CWF19L1: variants seen among roughly 807,000 people sequenced by gnomAD.
The protein encoded by CWF19L1 is CWF19-like protein 1.
CWF19L1 carries 60 observed loss-of-function variants against 69.7 expected under a neutral mutation model. That is an observed-to-expected ratio of 0.86 (90% CI 0.70 to 1.07). The LOEUF (loss-of-function observed/expected upper bound fraction) is 1.07, where lower values mean the gene tolerates loss of function less well. Ranked by LOEUF, CWF19L1 falls within the 50% of genes least tolerant of loss-of-function variation. CWF19L1 has a pLI of 0.00. For synonymous variants in CWF19L1, 209 were observed against 222.2 expected (o/e 0.94, Z 0.53); for missense variants, 591 against 638.9 (o/e 0.92, Z 0.81).
intron 2 of CWF19L1, 139 bp from the exon 3 acceptor site, chr10:100,261,183 A>G (rs1847387279): frequency 3.3e-6 from 2 of 598,926 alleles, no homozygotes; most frequent in Non-Finnish European, 5.9e-6. Flanking sequence ...TCAATATACA[A>G]TTCTTTAGCA....
rs750361038 is a variant in CWF19L1 at position 100,250,292 on chromosome 10, G to A, written c.664C>T (p.Arg222Trp). The A allele has an allele frequency of 4.2e-5, 68 of 1,612,674 alleles. No homozygotes were observed. Among genetic ancestry groups the A allele is most frequent in the Non-Finnish European group, 5.3e-5 (63 of 1,179,110 alleles). The change falls in exon 7 of 14, where the codon CGG becomes TGG. Residue 222 changes from arginine to tryptophan, a missense_variant. Transcript: ENST00000354105. ...CCAACATTTGCCAGAGCTATAAACC[G>A]GGTGGCATGCTGTGCATTTTCCTGT... is the stretch of plus-strand genomic sequence containing the variant. ...ILQENAQHAT[R>W]FIALANVGNP...
At position 100,238,151 on chromosome 10, in the gene CWF19L1, C is replaced by T. The variant is rs1316667276; in HGVS notation, c.1125G>A (p.Val375=). 3 of 1,614,024 alleles carry T rather than the reference C, an allele frequency of 1.9e-6. No homozygotes were observed. Among genetic ancestry groups the T allele is most frequent in the East Asian group, 4.5e-5 (2 of 44,896 alleles). ...ILPIGHYQSV[V]ELSAEVVEEV... ...CTTCTACCACCTCTGCTGAAAGCTCCACCACTGACTGGTAGTGTCCAATAG... is the reference window on the plus strand; with the variant it reads ...CTTCTACCACCTCTGCTGAAAGCTCTACCACTGACTGGTAGTGTCCAATAG... The change falls in exon 11 of 14, where the codon GTG becomes GTA. Residue 375 remains valine (V), a synonymous_variant. Coordinates refer to ENST00000354105, the MANE Select transcript of CWF19L1 (RefSeq NM_018294.6).
intron 5 of CWF19L1, among the ~76,000 whole-genome samples, chr10:100,255,929 CA>C (rs1185464984): frequency 1.4e-5 from 2 of 145,616 alleles, no homozygotes; most frequent in Non-Finnish European, 1.5e-5. Context: ...GACTCCATCT[CA>C]AAAAAAAACA....
At chr10:100,263,707 TAA>T (rs1380465150) in intron 1 of CWF19L1, among the ~76,000 whole-genome samples, 4 of 152,176 alleles carry the variant, frequency 2.6e-5, no homozygotes, top group African/African-American at 9.7e-5. Context: ...TCCCACTGAA[TAA>T]AGATAGAAAT....
intron 8 of CWF19L1, among the ~76,000 whole-genome samples, chr10:100,246,443 T>G (rs994438053): frequency 6.6e-6 from 1 of 152,222 alleles, no homozygotes; most frequent in Non-Finnish European, 1.5e-5. Flanking sequence ...ATTTTCCTAC[T>G]AGCAATCATC....
rs1846458203 is a variant in CWF19L1, at chr10:100,236,905, GCC to G, written c.1317_1318del (p.Gln439HisfsTer16). On this transcript the variant is annotated frameshift_variant, in exon 12 of 14. Transcript: ENST00000354105. LOFTEE classifies it high-confidence loss of function. ...CAACAGCTCTATCTGCTGCTCCTGTGCCTGGGTAATGAAGGCATCTTTAATGT... is the reference window on the plus strand; with the variant it reads ...CAACAGCTCTATCTGCTGCTCCTGTGTGGGTAATGAAGGCATCTTTAATGT... 4 of 1,612,330 alleles carry G rather than the reference GCC, an allele frequency of 2.5e-6. No homozygotes were observed. In the South Asian group the frequency reaches 4.4e-5, roughly 18 times the overall value.
chr10:100,255,382 T>C (rs916803314), intron 5 of CWF19L1, among the ~76,000 whole-genome samples: 4 of 151,822 alleles, frequency 2.6e-5, no homozygotes, highest in African/African-American at 7.3e-5. Flanking sequence ...CGGTGGCTCA[T>C]GCCTGTAATC....
At chr10:100,261,352 C>T (rs182548888) in intron 2 of CWF19L1, among the ~76,000 whole-genome samples, 4 of 152,342 alleles carry the variant, frequency 2.6e-5, no homozygotes, top group Admixed American at 2.6e-4. Flanking sequence ...CTCTGCCATT[C>T]ATGGCTCTCT....
At chr10:100,267,324 G>A in intron 1 of CWF19L1, 2 of 546,672 alleles carry the variant, frequency 3.7e-6, no homozygotes, top group African/African-American at 2.1e-5. Context: ...GATGGAGGAG[G>A]CCTAACTCTG....
chr10:100,260,151 G>C (rs1312311436), intron 4 of CWF19L1, 67 bp downstream of exon 4: 2 of 1,032,058 alleles, frequency 1.9e-6, no homozygotes, highest in African/African-American at 1.6e-5. Context: ...CTGGGTGACA[G>C]AGCAAGACTC....
chr10:100,259,942 G>A (rs764652410), intron 4 of CWF19L1, among the ~76,000 whole-genome samples: 3 of 152,122 alleles, frequency 2.0e-5, no homozygotes, highest in Non-Finnish European at 2.9e-5. Flanking sequence ...CGAGGTGGGC[G>A]GATCACGAGG....
At chr10:100,250,148 G>A in intron 7 of CWF19L1, 100 bp downstream of exon 7, 1 of 841,498 alleles carries the variant, frequency 1.2e-6, no homozygotes. Flanking sequence ...AGACCTTGCA[G>A]TCAGGGAGAA....
At chr10:100,262,441 C>A (rs1249955200) in intron 1 of CWF19L1, 1 of 985,304 alleles carries the variant, frequency 1.0e-6, no homozygotes, top group Non-Finnish European at 1.2e-6. Context: ...TATTTTGACT[C>A]CTCCTATCTT....
At position 100,250,331 on chromosome 10, in the gene CWF19L1, T is replaced by A. The variant is rs1564856820; in HGVS notation, c.625A>T (p.Asn209Tyr). The A allele has an allele frequency of 6.2e-7, 1 of 1,600,618 alleles. No homozygotes were observed. Among genetic ancestry groups the A allele is most frequent in the Non-Finnish European group, 8.6e-7 (1 of 1,168,260 alleles). Residue 209 changes from asparagine (N) to tyrosine (Y), a missense_variant and splice_region_variant, in exon 7 of 14, where the codon AAC (asparagine) becomes TAC (tyrosine). Transcript: ENST00000354105. ...GCATTTTCCTGTAGAATGATATGGTTTCTACAACATATTTGAGAGACAAAA... is the reference window on the plus strand; with the variant it reads ...GCATTTTCCTGTAGAATGATATGGTATCTACAACATATTTGAGAGACAAAA... The part of the protein sequence containing the change: ...KTYYERLPYR[N>Y]HIILQENAQH...
At chr10:100,257,287 C>CTTTTTTTTT (rs55939570) in intron 4 of CWF19L1, among the ~76,000 whole-genome samples, 4 of 105,842 alleles carry the variant, frequency 3.8e-5, no homozygotes, top group Non-Finnish European at 5.5e-5. Context: ...AGTGCTTTAC[C>CTTTTTTTTT]TTTTTTTTTT....
chr10:100,266,383 C>T (rs1847584515), intron 1 of CWF19L1, among the ~76,000 whole-genome samples: 1 of 150,550 alleles, frequency 6.6e-6, no homozygotes, highest in Non-Finnish European at 1.5e-5. Context: ...GAAACGGGGC[C>T]TTGCTATATT....
At chr10:100,241,476 A>T (rs907876962) in intron 10 of CWF19L1, among the ~76,000 whole-genome samples, 6 of 152,210 alleles carry the variant, frequency 3.9e-5, no homozygotes, top group African/African-American at 1.4e-4. Context: ...AGTTGAAAGG[A>T]TCAACCCCAG....
rs113622447 is a variant in CWF19L1, at chr10:100,248,946, C to T, written c.708+1302G>A. The T allele has an allele frequency of 1.3e-3, 1,010 of 771,328 alleles. 5 individuals carry two copies. The highest frequency in any genetic ancestry group is 0.012 in the African/African-American group (711 of 59,168). The allele number at this position is 771,328 out of a possible 1,614,324, so 47.8% of individuals were successfully genotyped here. A position where few individuals can be genotyped will look rare whatever the true frequency, so the allele number is the denominator to read the frequency against. ...AGCTGATCGCCAACTCACTGGCCAC[C>T]GCAGGGAACAGCCTGATAGAGCTGC... is the stretch of plus-strand genomic sequence containing the variant. On this transcript the variant is annotated intron_variant, in intron 7 of 13. Transcript: ENST00000354105.
chr10:100,233,283 G>T lies in CWF19L1; in HGVS notation c.1561C>A (p.Leu521Met). The change falls in exon 14 of 14, where the codon CTG becomes ATG. Residue 521 changes from leucine (L) to methionine (M), a missense_variant. Transcript: ENST00000354105. The stretch of plus-strand genomic sequence containing the variant: ...AAGTCTTTCCGGAAGCGGCGAGCCA[G>T]GGTCTCCTCGTCTTCCTTGCTGATC... ...CQISKEDEET[L>M]ARRFRKDFEP... 6.2e-7 allele frequency: 1 copy of T among 1,613,988 alleles called. No homozygotes were observed. The highest frequency in any genetic ancestry group is 8.5e-7 in the Non-Finnish European group (1 of 1,179,950).
Sources: gnomAD v4.1 joint callset for allele counts (sites outside exome capture counted in the v4.1 genomes callset) on GRCh38, gnomAD v4.1.1 for gene constraint, MANE v1.5 for transcripts, NCBI Gene and HGNC (gene_info 2026-07-23, HGNC 2026-07-21) for gene names.